Variants in COG5 observed in about 807,000 individuals in gnomAD.
The protein encoded by COG5 is conserved oligomeric Golgi complex subunit 5.
Under a neutral mutation model 110.4 loss-of-function variants are expected in COG5, and 86 were observed. That is an observed-to-expected ratio of 0.78 (90% CI 0.65 to 0.93). The LOEUF is 0.93. Among genes scored for constraint, COG5 ranks in the 40% least tolerant of loss-of-function variants. COG5 has a pLI of 0.00. For synonymous variants in COG5, 360 were observed against 334.6 expected (o/e 1.08, Z -0.83); for missense variants, 1,077 against 987.0 (o/e 1.09, Z -1.22).
chr7:107,364,612 T>C (rs893003275), intron 8 of COG5, among the ~76,000 whole-genome samples: 32 of 152,296 alleles, frequency 2.1e-4, no homozygotes, highest in African/African-American at 7.5e-4. Context: ...CAAACTGACG[T>C]TTAATACCAG....
rs192369992 is a variant in COG5 at position 107,514,522 on chromosome 7, G to C, written c.538+12715C>G. On this transcript the variant is annotated intron_variant, in intron 6 of 21. Coordinates refer to ENST00000297135, the MANE Select transcript of COG5 (RefSeq NM_006348.5). ...GTGATTTTTTTAAAGGACACTGGGA[G>C]ACCTACCAATAGCAGAAATCCCTTT... Among the ~76,000 whole-genome samples, 17 of 152,234 alleles carry C rather than the reference G, an allele frequency of 1.1e-4. No homozygotes were observed. In the East Asian group the frequency reaches 2.9e-3, roughly 26 times the overall value.
chr7:107,351,519 G>C (rs559318600), intron 10 of COG5, among the ~76,000 whole-genome samples: 30 of 152,170 alleles, frequency 2.0e-4, no homozygotes, highest in African/African-American at 6.7e-4. Context: ...AGAGTGAACA[G>C]GCAACCTACA....
chr7:107,387,574 C>A (rs185069073), intron 7 of COG5, among the ~76,000 whole-genome samples: 1 of 152,230 alleles, frequency 6.6e-6, no homozygotes, highest in Non-Finnish European at 1.5e-5. Context: ...CTCTCTCTTA[C>A]CCCTAATGTG....
Position 107,298,153 on chromosome 7 carries a change from CT to C in COG5, c.1301del (p.Lys434SerfsTer10). On this transcript the variant is annotated frameshift_variant, in exon 12 of 22. Transcript: ENST00000297135. LOFTEE classifies it high-confidence loss of function. ...DDAQDIFIPK[K>X]PDYDPEKALK... ...TTAAACAAACATACTCATAATCTGG[CT>C]TTTTTGGTATGAATATATCTTGTGC... 5.1e-6 allele frequency: 8 copies of C among 1,569,228 alleles called. No individual in the cohort carries two copies. Among genetic ancestry groups the C allele is most frequent in the South Asian group, 3.7e-5 (3 of 80,904 alleles).
Position 107,203,304 on chromosome 7 carries a change from ATCAGGTCCATGGAAT to A in COG5, c.*197_*211del. 11 of 577,138 alleles carry A rather than the reference ATCAGGTCCATGGAAT, an allele frequency of 1.9e-5. No individual in the cohort carries two copies. The highest frequency in any genetic ancestry group is 3.1e-6 in the Non-Finnish European group (1 of 324,278). 35.8% of individuals were successfully genotyped at this position (577,138 alleles called of 1,614,324 possible). ...AAGAGGAAAACATCTTTCTGGAAAA[ATCAGGTCCATGGAAT>A]TGAAAGGTGGTGATAACTCAACATT... On this transcript the variant is annotated 3_prime_UTR_variant, in exon 22 of 22. Coordinates refer to ENST00000297135, the MANE Select transcript of COG5 (RefSeq NM_006348.5).
intron 10 of COG5, among the ~76,000 whole-genome samples, chr7:107,343,445 C>T (rs1324346766): frequency 1.3e-5 from 2 of 152,130 alleles, no homozygotes; most frequent in Non-Finnish European, 2.9e-5. Context: ...CTTTGGGATG[C>T]TAAGGCTGGC....
In COG5 at chr7:107,386,049, A is replaced by T. The variant is rs144524548; in HGVS notation, c.670-13289T>A. Among the ~76,000 whole-genome samples the T allele has an allele frequency of 9.2e-3, 1,394 of 151,194 alleles. 23 individuals are homozygous for T. Among genetic ancestry groups the T allele is most frequent in the African/African-American group, 0.031 (1,295 of 41,180 alleles). ...GGTTGAGTTCTGTTAGGGTTGAGTC[A>T]GGATGGTGGGAAAAACTGTAAAATA... On this transcript the variant is annotated intron_variant, in intron 7 of 21. Coordinates refer to ENST00000297135, the MANE Select transcript of COG5 (RefSeq NM_006348.5).
chr7:107,216,091 G>A (rs1241780898), intron 19 of COG5, among the ~76,000 whole-genome samples: 1 of 152,070 alleles, frequency 6.6e-6, no homozygotes, highest in African/African-American at 2.4e-5. Flanking sequence ...GAAACTGAGA[G>A]AGGCAGGACT....
intron 14 of COG5, among the ~76,000 whole-genome samples, chr7:107,262,259 C>T (rs532104118): frequency 1.4e-4 from 21 of 152,162 alleles, no homozygotes; most frequent in Non-Finnish European, 2.5e-4. Context: ...CCTTCTCATG[C>T]TATCTCACAG....
chr7:107,428,125 G>T (rs1437900101), intron 6 of COG5, among the ~76,000 whole-genome samples: 1 of 152,132 alleles, frequency 6.6e-6, no homozygotes, highest in Non-Finnish European at 1.5e-5. Flanking sequence ...TCAATAAGAG[G>T]AAAGTACGCC....
chr7:107,452,114 C>T (rs1795375885), intron 6 of COG5, among the ~76,000 whole-genome samples: 4 of 152,158 alleles, frequency 2.6e-5, no homozygotes. Flanking sequence ...AAAACAGATC[C>T]CATTACTTTG....
chr7:107,382,103 TA>T (rs1455445944), intron 7 of COG5, among the ~76,000 whole-genome samples: 4 of 152,168 alleles, frequency 2.6e-5, no homozygotes, highest in Non-Finnish European at 1.5e-5. Flanking sequence ...GCAGAGTCCA[TA>T]AAAGTCCAGT....
intron 7 of COG5, among the ~76,000 whole-genome samples, chr7:107,406,905 G>A (rs1327255929): frequency 6.6e-6 from 1 of 152,026 alleles, no homozygotes; most frequent in Admixed American, 6.5e-5. Context: ...TAATACAAAA[G>A]GCTTATGACA....
intron 14 of COG5, among the ~76,000 whole-genome samples, chr7:107,273,530 C>T (rs1049206817): frequency 2.0e-5 from 3 of 152,266 alleles, no homozygotes; most frequent in Admixed American, 6.5e-5. Flanking sequence ...GATATAAAAG[C>T]TCTATAGTGT....
At chr7:107,356,989 C>G (rs890465145) in intron 10 of COG5, among the ~76,000 whole-genome samples, 1 of 152,034 alleles carries the variant, frequency 6.6e-6, no homozygotes, top group Non-Finnish European at 1.5e-5. Context: ...ATATATCACT[C>G]TTCAGTGACT....
intron 14 of COG5, among the ~76,000 whole-genome samples, chr7:107,265,559 A>C (rs1803732151): frequency 6.6e-6 from 1 of 152,110 alleles, no homozygotes. Flanking sequence ...GAGCCACTGC[A>C]CTCAGCCTTA....
Position 107,298,366 on chromosome 7 carries a change from C to A in COG5, c.1109-20G>T, listed in dbSNP as rs762863781. On this transcript the variant is annotated intron_variant, in intron 11 of 21. Transcript: ENST00000297135. ...TCGAAGCTGCCAAGCAAAACAAGAA[C>A]ATGAATTAGAAAAATAATAAAATGT... 1.3e-6 allele frequency: 2 copies of A among 1,585,494 alleles called. No individual in the cohort carries two copies. The highest frequency in any genetic ancestry group is 4.5e-5 in the East Asian group (2 of 44,522).
chr7:107,509,437 G>C (rs1320314651), intron 6 of COG5, among the ~76,000 whole-genome samples: 1 of 152,222 alleles, frequency 6.6e-6, no homozygotes, highest in African/African-American at 2.4e-5. Flanking sequence ...GTACCTGAAA[G>C]TGATGGGGAG....
chr7:107,435,096 T>C (rs1384933076), intron 6 of COG5, among the ~76,000 whole-genome samples: 2 of 152,102 alleles, frequency 1.3e-5, no homozygotes, highest in African/African-American at 4.8e-5. Flanking sequence ...ATGGGTTATC[T>C]AAAGTAGTCA....
Sources: allele counts gnomAD v4.1 joint callset (sites outside exome capture counted in the v4.1 genomes callset), GRCh38; gene constraint gnomAD v4.1.1; transcripts MANE v1.5; gene names NCBI Gene and HGNC (gene_info 2026-07-23, HGNC 2026-07-21).